Variants in KCNN2 observed in about 807,000 individuals in gnomAD.
The protein encoded by KCNN2 is small conductance calcium-activated potassium channel protein 2.
Under a neutral mutation model 55.5 loss-of-function variants are expected in KCNN2, and 24 were observed. That is an observed-to-expected ratio of 0.43 (90% CI 0.31 to 0.61). The LOEUF is 0.61. KCNN2 is among the 20% of genes least tolerant of loss of function. KCNN2 has a pLI of 0.08. For missense variants in KCNN2, 754 were observed against 853.6 expected (o/e 0.88, Z 1.45); for synonymous variants, 431 against 336.1 (o/e 1.28, Z -3.09).
At chr5:114,303,376 G>A (rs777820416) in intron 2 of KCNN2, among the ~76,000 whole-genome samples, 1 of 152,218 alleles carries the variant, frequency 6.6e-6, no homozygotes, top group African/African-American at 2.4e-5. Flanking sequence ...GCTGTGATTG[G>A]AACACAGATT....
intron 2 of KCNN2, among the ~76,000 whole-genome samples, chr5:114,277,607 C>G (rs1357895278): frequency 1.3e-5 from 2 of 152,100 alleles, no homozygotes; most frequent in African/African-American, 2.4e-5. Flanking sequence ...CACTGATATC[C>G]TTTCTTTTGC....
At chr5:114,287,496 G>GA (rs754799433) in intron 2 of KCNN2, among the ~76,000 whole-genome samples, 1 of 150,728 alleles carries the variant, frequency 6.6e-6, no homozygotes, top group East Asian at 2.0e-4. Flanking sequence ...ACTAACACAG[G>GA]AACAGAAAAC....
intron 1 of KCNN2, among the ~76,000 whole-genome samples, chr5:114,146,222 A>G (rs529775952): frequency 6.6e-6 from 1 of 152,288 alleles, no homozygotes; most frequent in South Asian, 2.1e-4. Flanking sequence ...ATTTAGGAAT[A>G]TTAAGAAAAT....
chr5:114,312,422 CACACACACACACATATATATATATAT>C lies in KCNN2; in HGVS notation c.-184-48521_-184-48496del, dbSNP rs1454705831. ...ACACACACACACACACACACACACA[CACACACACACACATATATATATATAT>C]ATATATATATATATATATATATATA... On this transcript the variant is annotated intron_variant, in intron 2 of 10. Coordinates refer to the KCNN2 transcript ENST00000512097. Among the ~76,000 whole-genome samples the C allele has an allele frequency of 8.6e-3, 430 of 49,842 alleles. 1 individual carries two copies. The highest frequency in any genetic ancestry group is 0.017 in the South Asian group (19 of 1,096). 32.7% of individuals were successfully genotyped at this position (49,842 alleles called of 152,430 possible).
intron 1 of KCNN2, among the ~76,000 whole-genome samples, chr5:114,178,905 T>A (rs1294072797): frequency 6.6e-6 from 1 of 152,206 alleles, no homozygotes; most frequent in East Asian, 1.9e-4. Flanking sequence ...TCCTGTGACC[T>A]TCAGTCTTTT....
At chr5:114,394,224 T>A (rs894048729) in intron 2 of KCNN2, among the ~76,000 whole-genome samples, 4 of 152,166 alleles carry the variant, frequency 2.6e-5, no homozygotes, top group African/African-American at 9.7e-5. Context: ...GATATCTCAT[T>A]TTCTTCTTAT....
At chr5:114,223,060 C>G (rs1011871938) in intron 2 of KCNN2, among the ~76,000 whole-genome samples, 1 of 123,486 alleles carries the variant, frequency 8.1e-6, no homozygotes, top group Non-Finnish European at 1.7e-5. Context: ...TTCTACAAGA[C>G]AAAATGTAAA....
At position 114,363,020 on chromosome 5, in the gene KCNN2, A is replaced by G. The variant is rs1308379473; in HGVS notation, c.881A>G (p.Tyr294Cys). 7.5e-6 allele frequency: 12 copies of G among 1,601,782 alleles called. No homozygotes were observed. The highest frequency in any genetic ancestry group is 6.7e-5 in the East Asian group (3 of 44,484). Reference protein sequence around the residue: ...EHNNSNNLALYGTGGGGSTGG... With the variant: ...EHNNSNNLALCGTGGGGSTGG... ...AACAACTCCAACAACCTGGCGCTCT[A>G]TGGAACCGGCGGCGGAGGCAGCACT... Residue 294 changes from tyrosine to cysteine, a missense_variant, in exon 1 of 8, where the codon TAT (tyrosine) becomes TGT (cysteine). This residue lies in a region of KCNN2 where 381 missense variants were observed against 259.1 expected (regional missense o/e 1.47). Transcript: ENST00000673685.
At chr5:114,373,703 A>ATGTCAGCTC (rs1757845289) in intron 2 of KCNN2, among the ~76,000 whole-genome samples, 1 of 127,476 alleles carries the variant, frequency 7.8e-6, no homozygotes, top group Non-Finnish European at 1.7e-5. Context: ...GGCTATTTAC[A>ATGTCAGCTC]TGTCAGCTCT....
At chr5:114,484,058 T>A (rs927360156) in intron 5 of KCNN2, among the ~76,000 whole-genome samples, 1 of 152,190 alleles carries the variant, frequency 6.6e-6, no homozygotes, top group Non-Finnish European at 1.5e-5. Flanking sequence ...CTTTGGTTGA[T>A]AAATACGTGT....
chr5:114,341,186 T>C (rs1391198774), intron 2 of KCNN2, among the ~76,000 whole-genome samples: 2 of 152,200 alleles, frequency 1.3e-5, no homozygotes, highest in Non-Finnish European at 2.9e-5. Flanking sequence ...TGACTCTATA[T>C]GTTAGTTTAA....
chr5:114,473,527 A>G (rs565517761), intron 5 of KCNN2, among the ~76,000 whole-genome samples: 2 of 152,258 alleles, frequency 1.3e-5, no homozygotes, highest in South Asian at 2.1e-4. Context: ...GTTTTACTGA[A>G]CTTCTAAGAT....
At chr5:114,399,396 A>G (rs936479223) in intron 2 of KCNN2, among the ~76,000 whole-genome samples, 1 of 152,170 alleles carries the variant, frequency 6.6e-6, no homozygotes, top group African/African-American at 2.4e-5. Context: ...GTGATGAATC[A>G]TGTTTAATGA....
At chr5:114,275,955 T>C (rs1029763925) in intron 2 of KCNN2, among the ~76,000 whole-genome samples, 1 of 152,200 alleles carries the variant, frequency 6.6e-6, no homozygotes, top group African/African-American at 2.4e-5. Context: ...TGCTTTCTCT[T>C]GTGGGCATTT....
chr5:114,146,035 G>C (rs2974480), intron 1 of KCNN2, among the ~76,000 whole-genome samples: 97,253 of 151,956 alleles, frequency 0.64, 31,673 homozygotes, highest in African/African-American at 0.73. Context: ...TAGCAGGAAT[G>C]CAAACAGGAG....
intron 1 of KCNN2, among the ~76,000 whole-genome samples, chr5:114,221,132 A>C (rs893442802): frequency 1.3e-5 from 2 of 152,206 alleles, no homozygotes. Flanking sequence ...GCTGTTCTTT[A>C]ATTTCATGAC....
intron 3 of KCNN2, among the ~76,000 whole-genome samples, chr5:114,449,915 CGCTCGCGT>C (rs1344601738): frequency 1.3e-5 from 2 of 151,112 alleles, no homozygotes; most frequent in Admixed American, 6.6e-5. Context: ...CACACGCGCG[CGCTCGCGT>C]GCGCGCACTC....
intron 2 of KCNN2, among the ~76,000 whole-genome samples, chr5:114,311,298 A>T (rs1357438683): frequency 6.6e-6 from 1 of 152,092 alleles, no homozygotes; most frequent in Non-Finnish European, 1.5e-5. Context: ...TTACTGTCTC[A>T]TTTGTGTTGA....
At chr5:114,108,285 A>C (rs567865090) in intron 1 of KCNN2, among the ~76,000 whole-genome samples, 2 of 152,148 alleles carry the variant, frequency 1.3e-5, no homozygotes, top group Admixed American at 1.3e-4. Context: ...TAGTTTGTTG[A>C]AAATCTGTTT....
Sources: gnomAD v4.1 joint callset for allele counts (sites outside exome capture counted in the v4.1 genomes callset) on GRCh38, gnomAD v4.1.1 for gene constraint, gnomAD v4.1.1 regional missense constraint, MANE v1.5 for transcripts, NCBI Gene and HGNC (gene_info 2026-07-23, HGNC 2026-07-21) for gene names.